FYN: variants seen among roughly 807,000 people sequenced by gnomAD.
FYN encodes FYN proto-oncogene, Src family tyrosine kinase.
Under a neutral mutation model 70.2 loss-of-function variants are expected in FYN, and 10 were observed. That is an observed-to-expected ratio of 0.14 (90% CI 0.09 to 0.24). The LOEUF is 0.24. Among genes scored for constraint, FYN ranks in the 10% least tolerant of loss-of-function variants. FYN has a pLI of 1.00. For synonymous variants in FYN, 236 were observed against 248.6 expected, an observed-to-expected ratio of 0.95 and a Z score of 0.48; for missense variants, 319 against 673.1, an observed-to-expected ratio of 0.47 and a Z score of 5.82.
chr6:111,826,024 T>C (rs1272052292), intron 2 of FYN, among the ~76,000 whole-genome samples: 2 of 151,996 alleles, frequency 1.3e-5, no homozygotes, highest in African/African-American at 2.4e-5. Context: ...TATACAACCA[T>C]GGGAGTAGAA....
At chr6:111,823,760 G>A (rs1772748124) in intron 2 of FYN, among the ~76,000 whole-genome samples, 1 of 151,936 alleles carries the variant, frequency 6.6e-6, no homozygotes, top group African/African-American at 2.4e-5. Context: ...TATGTGTCTG[G>A]GTGGGAAGCC....
chr6:111,862,757 A>G (rs1773998739), intron 1 of FYN, among the ~76,000 whole-genome samples: 3 of 152,216 alleles, frequency 2.0e-5, no homozygotes, highest in Admixed American at 6.5e-5. Flanking sequence ...AATGTCAGGC[A>G]TCACTTATTA....
chr6:111,721,602 AC>A (rs1169268229), intron 3 of FYN, among the ~76,000 whole-genome samples: 9 of 151,916 alleles, frequency 5.9e-5, no homozygotes, highest in African/African-American at 2.2e-4. Context: ...ATGGGGTTTC[AC>A]CATGTTGGTC....
chr6:111,867,662 A>T (rs1774153998), intron 1 of FYN, among the ~76,000 whole-genome samples: 1 of 151,444 alleles, frequency 6.6e-6, no homozygotes, highest in Non-Finnish European at 1.5e-5. Context: ...CTACCCCTAC[A>T]CCCTGTCTAC....
At chr6:111,769,955 G>C (rs1011012026) in intron 3 of FYN, among the ~76,000 whole-genome samples, 1 of 152,136 alleles carries the variant, frequency 6.6e-6, no homozygotes, top group Non-Finnish European at 1.5e-5. Flanking sequence ...TAGCTGGAGA[G>C]GGGGAGAATG....
intron 3 of FYN, among the ~76,000 whole-genome samples, chr6:111,757,932 CAG>C (rs1235475376): frequency 6.6e-6 from 1 of 152,018 alleles, no homozygotes; most frequent in African/African-American, 2.4e-5. Context: ...CTTTTTTCCA[CAG>C]AGGGGTTGAC....
intron 2 of FYN, 127 bp downstream of exon 2, chr6:111,846,461 CT>C: frequency 2.5e-6 from 1 of 398,134 alleles, no homozygotes; most frequent in Non-Finnish European, 4.4e-6. Flanking sequence ...AACTCGACCT[CT>C]CTCTTAGAAA....
intron 2 of FYN, among the ~76,000 whole-genome samples, chr6:111,805,121 TG>T (rs1333262278): frequency 6.6e-6 from 1 of 151,884 alleles, no homozygotes; most frequent in Non-Finnish European, 1.5e-5. Flanking sequence ...GCCAGACAAC[TG>T]TTTAGTCCTA....
At chr6:111,734,835 T>C (rs547693806) in intron 3 of FYN, among the ~76,000 whole-genome samples, 1 of 152,250 alleles carries the variant, frequency 6.6e-6, no homozygotes, top group Non-Finnish European at 1.5e-5. Flanking sequence ...CTAGCCTTTA[T>C]TCAACAAGCA....
At position 111,813,238 on chromosome 6, in the gene FYN, A is replaced by G. The variant is rs577472673; in HGVS notation, c.-81-32603T>C. Among the ~76,000 whole-genome samples, 4 of 152,296 alleles carry G rather than the reference A, an allele frequency of 2.6e-5. No homozygotes were observed. The East Asian group carries it at 7.7e-4, about 29-fold the overall frequency. ...TCTGTAGTTTGGTGATTTTTGAAAG[A>G]GTTCAAAGAACTTCCCCATCCAACC... On this transcript the variant is annotated intron_variant, in intron 2 of 13. Transcript: ENST00000354650.
chr6:111,704,017 C>G lies in FYN; in HGVS notation c.529G>C (p.Glu177Gln), dbSNP rs201537647. ...GNPRGTFLIRESETTKGAYSL... is the reference protein window; with the variant it reads ...GNPRGTFLIRQSETTKGAYSL... ...ATCTTACCTTTGGTGGTTTCACTCT[C>G]GCGGATAAGAAAGGTACCTCTTGGG... The change falls in exon 7 of 14, where the codon GAG becomes CAG. Residue 177 changes from glutamate to glutamine, a missense_variant. Glu to Gln is a conservative substitution (Grantham distance 29). This residue lies in a region of FYN where 112 missense variants were observed against 250.2 expected (regional missense o/e 0.45). Transcript: ENST00000354650. The G allele has an allele frequency of 3.7e-6, 6 of 1,613,818 alleles. No individual in the cohort carries two copies. Among genetic ancestry groups the G allele is most frequent in the Non-Finnish European group, 5.1e-6 (6 of 1,179,768 alleles).
At chr6:111,821,897 C>T (rs1313994295) in intron 2 of FYN, among the ~76,000 whole-genome samples, 1 of 152,150 alleles carries the variant, frequency 6.6e-6, no homozygotes, top group African/African-American at 2.4e-5. Flanking sequence ...CATCACTGGC[C>T]ATCAGAGAAA....
intron 4 of FYN, among the ~76,000 whole-genome samples, chr6:111,718,998 G>C (rs1451961132): frequency 3.9e-5 from 6 of 152,224 alleles, no homozygotes; most frequent in Non-Finnish European, 7.3e-5. Context: ...CAGATGGGCT[G>C]AGAGATACTG....
chr6:111,867,889 G>A (rs1410763987), intron 1 of FYN, among the ~76,000 whole-genome samples: 2 of 152,156 alleles, frequency 1.3e-5, no homozygotes, highest in African/African-American at 4.8e-5. Flanking sequence ...GATAAAGTAC[G>A]TACAAGAATC....
At chr6:111,763,110 A>T (rs1220198551) in intron 3 of FYN, among the ~76,000 whole-genome samples, 1 of 152,116 alleles carries the variant, frequency 6.6e-6, no homozygotes, top group Non-Finnish European at 1.5e-5. Context: ...GAAATATTTA[A>T]ATCTACCTAT....
intron 8 of FYN, among the ~76,000 whole-genome samples, chr6:111,700,764 C>T (rs1187402603): frequency 6.6e-6 from 1 of 152,024 alleles, no homozygotes; most frequent in Admixed American, 6.5e-5. Context: ...CTAGATTACC[C>T]AGGGGATTAG....
At chr6:111,697,721 A>G (rs943604348) in intron 9 of FYN, among the ~76,000 whole-genome samples, 4 of 152,252 alleles carry the variant, frequency 2.6e-5, no homozygotes, top group African/African-American at 7.2e-5. Flanking sequence ...AACTTCGTCA[A>G]TTACACAGAC....
chr6:111,870,938 TC>T (rs1281711256), intron 1 of FYN, among the ~76,000 whole-genome samples: 1 of 152,230 alleles, frequency 6.6e-6, no homozygotes, highest in Non-Finnish European at 1.5e-5. Flanking sequence ...TACAGTACAC[TC>T]ATTAACCCTA....
At chr6:111,810,841 T>TCCTTA (rs1772301447) in intron 2 of FYN, among the ~76,000 whole-genome samples, 1 of 152,220 alleles carries the variant, frequency 6.6e-6, no homozygotes, top group African/African-American at 2.4e-5. Flanking sequence ...TTCCTTACAC[T>TCCTTA]CGCGCTTTGC....
Sources: allele counts gnomAD v4.1 joint callset (sites outside exome capture counted in the v4.1 genomes callset), GRCh38; gene constraint gnomAD v4.1.1; regional missense constraint gnomAD v4.1.1; transcripts MANE v1.5; gene names NCBI Gene and HGNC (gene_info 2026-07-23, HGNC 2026-07-21).